MECOM: variants seen among roughly 807,000 people sequenced by gnomAD.
MECOM encodes the protein histone-lysine N-methyltransferase MECOM.
A neutral mutation model predicts 116.3 loss-of-function variants in MECOM; 13 were observed. The ratio of observed to expected loss-of-function variants is 0.11; its 90% CI spans 0.07 to 0.18. The LOEUF is 0.18. Ranked by LOEUF, MECOM falls within the 10% of genes least tolerant of loss-of-function variation. The pLI is 1.00. For missense variants in MECOM, 1,299 were observed against 1,509.0 expected (o/e 0.86, Z 2.31); for synonymous variants, 528 against 535.2 (o/e 0.99, Z 0.19).
chr3:169,586,837 G>A lies in MECOM; in HGVS notation c.37+76499C>T, dbSNP rs1305958775. Among the ~76,000 whole-genome samples, 6 of 152,192 alleles carry A rather than the reference G, an allele frequency of 3.9e-5. 1 individual carries two copies. Among genetic ancestry groups the A allele is most frequent in the Admixed American group, 3.9e-4 (6 of 15,276 alleles). On this transcript the variant is annotated intron_variant, in intron 1 of 16. Transcript: ENST00000651503. ...TCTTAAAGCATAACCATCTGGTAAT[G>A]TTCTCTGCGCAGCAGCTTTTAGAAA...
chr3:169,247,265 T>C (rs562632133), intron 2 of MECOM, among the ~76,000 whole-genome samples: 1 of 152,114 alleles, frequency 6.6e-6, no homozygotes, highest in South Asian at 2.1e-4. Flanking sequence ...GAGATCCTTG[T>C]AAAGGAAAAA....
intron 2 of MECOM, chr3:169,145,143 AACACACACACAC>A (rs67598122): frequency 0.016 from 7,952 of 512,938 alleles, 61 homozygotes; most frequent in Middle Eastern, 0.023. Context: ...GATATTATTA[AACACACACACAC>A]ACACACACAC....
chr3:169,654,751 G>T (rs139005251), intron 1 of MECOM, among the ~76,000 whole-genome samples: 1 of 151,916 alleles, frequency 6.6e-6, no homozygotes, highest in East Asian at 1.9e-4. Context: ...AGTTGTAAAA[G>T]ACTATTTTTC....
chr3:169,662,585 C>A (rs1342235070), intron 1 of MECOM, among the ~76,000 whole-genome samples: 1 of 151,370 alleles, frequency 6.6e-6, no homozygotes, highest in Admixed American at 6.6e-5. Context: ...CCGCCCCCAC[C>A]CCGCGATCAC....
chr3:169,087,889 A>G (rs1396606364), intron 16 of MECOM, among the ~76,000 whole-genome samples: 1 of 152,218 alleles, frequency 6.6e-6, no homozygotes, highest in Non-Finnish European at 1.5e-5. Context: ...GGTAGGCTCT[A>G]GGAGCCTCTG....
At chr3:169,447,734 A>G (rs979580326) in intron 1 of MECOM, 2 of 152,258 alleles carry the variant, frequency 1.3e-5, no homozygotes, top group Admixed American at 6.5e-5. Context: ...ACCTGGAAAG[A>G]CTGGAAAGGC....
rs193029696 is a variant in MECOM at position 169,339,436 on chromosome 3, T to C, written c.375+41751A>G. On this transcript the variant is annotated intron_variant, in intron 2 of 16. Transcript: ENST00000651503. The stretch of plus-strand genomic sequence containing the variant: ...CTGCTCTACACCAATGAGAAAAACA[T>C]CCATTTTAAATACAGGCAAATGATT... Among the ~76,000 whole-genome samples the C allele has an allele frequency of 3.3e-5, 5 of 152,274 alleles. No individual in the cohort carries two copies. In the East Asian group the frequency reaches 5.8e-4, roughly 18 times the overall value.
chr3:169,136,777 G>A (rs760829059), intron 3 of MECOM, among the ~76,000 whole-genome samples: 4 of 151,996 alleles, frequency 2.6e-5, no homozygotes, highest in Non-Finnish European at 5.9e-5. Context: ...TGCACACAAG[G>A]GGGAAAATAA....
At chr3:169,588,055 A>G (rs750713770) in intron 1 of MECOM, among the ~76,000 whole-genome samples, 1 of 152,224 alleles carries the variant, frequency 6.6e-6, no homozygotes, top group Non-Finnish European at 1.5e-5. Context: ...GAAGAAAATT[A>G]TAAGTAAACA....
chr3:169,333,931 T>C (rs1265217213), intron 2 of MECOM, among the ~76,000 whole-genome samples: 2 of 150,420 alleles, frequency 1.3e-5, no homozygotes, highest in African/African-American at 2.4e-5. Flanking sequence ...CTTCTTTCTT[T>C]GTCTTTAAAG....
At chr3:169,099,948 C>G (rs974556886) in intron 12 of MECOM, among the ~76,000 whole-genome samples, 20 of 151,984 alleles carry the variant, frequency 1.3e-4, no homozygotes, top group African/African-American at 4.3e-4. Context: ...ATAGAATAAA[C>G]TAAGAGGTAA....
chr3:169,168,954 G>T (rs1744017573), intron 2 of MECOM, among the ~76,000 whole-genome samples: 1 of 151,682 alleles, frequency 6.6e-6, no homozygotes, highest in South Asian at 2.1e-4. Flanking sequence ...GATTGTTATA[G>T]ATAAAATATC....
At chr3:169,312,662 G>A (rs1019262594) in intron 2 of MECOM, among the ~76,000 whole-genome samples, 7 of 152,236 alleles carry the variant, frequency 4.6e-5, no homozygotes, top group Non-Finnish European at 8.8e-5. Context: ...ACAGGCGTGA[G>A]CCGCCGTGCC....
At chr3:169,216,610 A>G (rs1256475187) in intron 2 of MECOM, among the ~76,000 whole-genome samples, 1 of 152,130 alleles carries the variant, frequency 6.6e-6, no homozygotes, top group Non-Finnish European at 1.5e-5. Flanking sequence ...ATAGGTTAAA[A>G]AACATTAAAT....
At chr3:169,445,544 G>A (rs142144818) in intron 1 of MECOM, among the ~76,000 whole-genome samples, 3,939 of 152,260 alleles carry the variant, frequency 0.026, 91 homozygotes, top group East Asian at 0.069. Flanking sequence ...CTGCAGGGAC[G>A]GGGCCCTCAT....
At chr3:169,313,692 C>G (rs1250654049) in intron 2 of MECOM, among the ~76,000 whole-genome samples, 1 of 152,142 alleles carries the variant, frequency 6.6e-6, no homozygotes, top group African/African-American at 2.4e-5. Flanking sequence ...TGGTTATTAT[C>G]AGCTGACAGT....
intron 1 of MECOM, among the ~76,000 whole-genome samples, chr3:169,615,672 C>A (rs1361894028): frequency 6.6e-6 from 1 of 152,132 alleles, no homozygotes; most frequent in Non-Finnish European, 1.5e-5. Flanking sequence ...AATTTGATAG[C>A]CAGGAGGCAT....
intron 1 of MECOM, among the ~76,000 whole-genome samples, chr3:169,630,480 C>T (rs984091073): frequency 4.1e-5 from 6 of 147,864 alleles, no homozygotes; most frequent in African/African-American, 1.5e-4. Flanking sequence ...AAGACAGAGT[C>T]ACACTCTTGT....
intron 1 of MECOM, among the ~76,000 whole-genome samples, chr3:169,572,734 C>T (rs1764052312): frequency 6.6e-6 from 1 of 151,912 alleles, no homozygotes; most frequent in African/African-American, 2.4e-5. Flanking sequence ...GAACAGAAAA[C>T]CAAATATCGC....
Sources: allele counts gnomAD v4.1 joint callset (sites outside exome capture counted in the v4.1 genomes callset), GRCh38; gene constraint gnomAD v4.1.1; transcripts MANE v1.5; gene names NCBI Gene and HGNC (gene_info 2026-07-23, HGNC 2026-07-21).